Variants in TMPRSS3 observed in about 807,000 individuals in gnomAD.
The protein encoded by TMPRSS3 is transmembrane protease serine 3.
In TMPRSS3, 55 loss-of-function variants were observed where a neutral mutation model predicts 59.6. That is an observed-to-expected ratio of 0.92 (90% CI 0.74 to 1.16). The LOEUF (loss-of-function observed/expected upper bound fraction) is 1.16. Among genes scored for constraint, TMPRSS3 ranks in the 50% most tolerant of loss-of-function variants. TMPRSS3 has a pLI of 0.00. For missense variants in TMPRSS3, 596 were observed against 579.4 expected (o/e 1.03, Z -0.29); for synonymous variants, 257 against 237.7 (o/e 1.08, Z -0.75).
intron 2 of TMPRSS3, among the ~76,000 whole-genome samples, chr21:42,394,916 T>C (rs2146460654): frequency 6.6e-6 from 1 of 152,366 alleles, no homozygotes; most frequent in Non-Finnish European, 1.5e-5. Context: ...TGCTGGATTT[T>C]AATCTAGGCC....
rs1449705088 is a variant in TMPRSS3 at position 42,383,095 on chromosome 21, G to A, written c.720C>T (p.His240=). 1.2e-6 allele frequency: 2 copies of A among 1,614,190 alleles called. No individual in the cohort carries two copies. The highest frequency in any genetic ancestry group is 1.7e-6 in the Non-Finnish European group (2 of 1,180,054). ...WQASLQFQGY[H]LCGGSVITPL... ...GCGTGATGACAGAGCCCCCGCACAG[G>A]TGGTAGCCCTGGAACTGAAGGCTGG... is the stretch of plus-strand genomic sequence containing the variant. The change falls in exon 8 of 13, where the codon CAC becomes CAT. Residue 240 remains histidine (H), a synonymous_variant. Transcript: ENST00000644384.
chr21:42,387,234 C>T (rs185924163), intron 5 of TMPRSS3, among the ~76,000 whole-genome samples: 128 of 152,076 alleles, frequency 8.4e-4, no homozygotes, highest in African/African-American at 2.8e-3. Flanking sequence ...TCAGACAGAG[C>T]GGTGGTCCTC....
intron 10 of TMPRSS3, among the ~76,000 whole-genome samples, chr21:42,378,552 C>T (rs1484328096): frequency 6.6e-6 from 1 of 152,070 alleles, no homozygotes; most frequent in Non-Finnish European, 1.5e-5. Flanking sequence ...GGCAAAGCCA[C>T]GGGAGGAAGG....
chr21:42,391,380 T>A (rs536128494), intron 2 of TMPRSS3, among the ~76,000 whole-genome samples: 9 of 152,286 alleles, frequency 5.9e-5, no homozygotes, highest in South Asian at 2.1e-4. Context: ...TCTCCACAAT[T>A]GCTGTGCACA....
At chr21:42,395,644 A>G (rs532972033) in intron 1 of TMPRSS3, 176 bp from the exon 2 acceptor site, 5 of 512,832 alleles carry the variant, frequency 9.7e-6, no homozygotes, top group East Asian at 3.6e-5. Context: ...GCTACAGCAG[A>G]TAACAGAAAA....
rs2052353853 is a variant in TMPRSS3, at chr21:42,372,610, G to T, written c.*152C>A. 1 of 823,666 alleles carries T rather than the reference G, an allele frequency of 1.2e-6. No individual in the cohort carries two copies. The highest frequency in any genetic ancestry group is 2.4e-5 in the East Asian group (1 of 41,214). 51.0% of individuals were successfully genotyped at this position (823,666 alleles called of 1,614,324 possible). On this transcript the variant is annotated 3_prime_UTR_variant, in exon 13 of 13. Coordinates refer to ENST00000644384, the MANE Select transcript of TMPRSS3 (RefSeq NM_001256317.3). ...TTGAAGGTTGTGCTGGAATCAGATGGAAGGGTGCCTCTTTCGGGCCTGCTA... is the reference window on the plus strand; with the variant it reads ...TTGAAGGTTGTGCTGGAATCAGATGTAAGGGTGCCTCTTTCGGGCCTGCTA...
Position 42,383,111 on chromosome 21 carries a change from T to A in TMPRSS3, c.704A>T (p.Gln235Leu). The stretch of plus-strand genomic sequence containing the variant: ...CCCGCACAGGTGGTAGCCCTGGAAC[T>A]GAAGGCTGGCCTGCCAGGGCCACTG... ...LSQWPWQASL[Q>L]FQGYHLCGGS... is the part of the protein sequence containing the mutation. The change falls in exon 8 of 13, where the codon CAG becomes CTG. Residue 235 changes from glutamine (Q) to leucine (L), a missense_variant. Physicochemically the swap from Gln to Leu is moderately radical, Grantham distance 113. Transcript: ENST00000644384. 6 of 1,614,190 alleles carry A rather than the reference T, an allele frequency of 3.7e-6. No individual in the cohort carries two copies. Among genetic ancestry groups the A allele is most frequent in the Non-Finnish European group, 5.1e-6 (6 of 1,180,034 alleles).
chr21:42,395,418 G>C lies in TMPRSS3; in HGVS notation c.-1C>G, dbSNP rs1324277446. 3.1e-6 allele frequency: 5 copies of C among 1,613,836 alleles called. No homozygotes were observed. In the African/African-American group the frequency reaches 6.7e-5, roughly 22 times the overall value. ...CAGCAGGCGGATCATTTTCCCCCAT[G>C]GTGACTATTTCAGGACCTCTGACAT... On this transcript the variant is annotated 5_prime_UTR_variant, in exon 2 of 13. Transcript: ENST00000644384.
rs774662763 is a variant in TMPRSS3, at chr21:42,382,014, C to T, written c.952+51G>A. ...AATGCTTCAATGAGCAATTGCAAAT[C>T]CTCTTGAAACAAAGGAAGAGCTGCA... On this transcript the variant is annotated intron_variant, in intron 9 of 12. Coordinates refer to ENST00000644384, the MANE Select transcript of TMPRSS3 (RefSeq NM_001256317.3). 5.0e-6 allele frequency: 8 copies of T among 1,613,106 alleles called. No homozygotes were observed. The East Asian group carries it at 8.9e-5, about 18-fold the overall frequency.
chr21:42,387,000 A>G (rs921864690), intron 5 of TMPRSS3, among the ~76,000 whole-genome samples: 1 of 152,180 alleles, frequency 6.6e-6, no homozygotes, highest in Non-Finnish European at 1.5e-5. Context: ...GGGACATCGC[A>G]TTCCCTGGAT....
rs1440101025 is a variant in TMPRSS3, at chr21:42,395,472, A to G, written c.-51-4T>C. 2.1e-6 allele frequency: 3 copies of G among 1,434,294 alleles called. No individual in the cohort carries two copies. In the African/African-American group the frequency reaches 4.2e-5, roughly 20 times the overall value. The allele number at this position is 1,434,294 out of a possible 1,614,324, so 88.8% of individuals were successfully genotyped here. ...GCTCCGCCTCCACCTCTACCTCCTT[A>G]GCCGAGGAAGAACAGAAAGCATTTG... is the stretch of plus-strand genomic sequence containing the variant. On this transcript the variant is annotated splice_polypyrimidine_tract_variant and splice_region_variant and intron_variant, in intron 1 of 12. Coordinates refer to ENST00000644384, the MANE Select transcript of TMPRSS3 (RefSeq NM_001256317.3).
chr21:42,391,668 C>T (rs940982178), intron 2 of TMPRSS3, among the ~76,000 whole-genome samples: 2 of 152,208 alleles, frequency 1.3e-5, no homozygotes, highest in Non-Finnish European at 2.9e-5. Context: ...CTCTGTGGGA[C>T]TGAGAAGGCA....
intron 3 of TMPRSS3, 159 bp from the exon 4 acceptor site, chr21:42,389,204 T>C: frequency 6.7e-7 from 1 of 1,483,268 alleles, no homozygotes; most frequent in South Asian, 1.2e-5. Flanking sequence ...CAGCCCAGTT[T>C]CTGTTTTGAA....
intron 2 of TMPRSS3, chr21:42,390,342 T>C: frequency 2.6e-6 from 1 of 384,610 alleles, no homozygotes; most frequent in South Asian, 2.2e-5. Flanking sequence ...GCATCTTATT[T>C]GGAGATGGCC....
intron 2 of TMPRSS3, chr21:42,390,245 C>G: frequency 1.7e-6 from 1 of 586,456 alleles, no homozygotes; most frequent in South Asian, 1.9e-5. Flanking sequence ...CCCGGTTATT[C>G]CATGGGGGAT....
At chr21:42,378,984 A>G (rs559632715) in intron 10 of TMPRSS3, among the ~76,000 whole-genome samples, 120 of 152,276 alleles carry the variant, frequency 7.9e-4, no homozygotes, top group African/African-American at 2.5e-3. Context: ...TCCTAGGTTC[A>G]AGTGATTCTA....
intron 6 of TMPRSS3, among the ~76,000 whole-genome samples, chr21:42,384,837 T>C (rs913028988): frequency 1.9e-4 from 29 of 152,100 alleles, no homozygotes; most frequent in Admixed American, 1.9e-3. Flanking sequence ...CTACACACCG[T>C]CTAACCTGGG....
In TMPRSS3 at chr21:42,382,161, A is replaced by T. The variant is rs147189374; in HGVS notation, c.856T>A (p.Leu286Met). Residue 286 changes from leucine (L) to methionine (M), a missense_variant, in exon 9 of 13, where the codon TTG (leucine) becomes ATG (methionine). Physicochemically the swap from Leu to Met is conservative, Grantham distance 15. Transcript: ENST00000644384. ...SLLDNPAPSH[L>M]VEKIVYHSKY... Reference sequence around the variant, plus strand: ...CTGTGGTAGACAATCTTCTCCACCAAGTGGGATGGGGCTGGATTGTCCAAC... The same window carrying T: ...CTGTGGTAGACAATCTTCTCCACCATGTGGGATGGGGCTGGATTGTCCAAC... The T allele has an allele frequency of 1.2e-4, 197 of 1,614,068 alleles. No individual in the cohort carries two copies. The highest frequency in any genetic ancestry group is 1.6e-4 in the Non-Finnish European group (187 of 1,180,028).
At chr21:42,387,275 A>C (rs1242385632) in intron 5 of TMPRSS3, among the ~76,000 whole-genome samples, 1 of 152,162 alleles carries the variant, frequency 6.6e-6, no homozygotes, top group South Asian at 2.1e-4. Context: ...GAGAGAAGAG[A>C]AAAGGAGGCC....
Sources: gnomAD v4.1 joint callset for allele counts (sites outside exome capture counted in the v4.1 genomes callset) on GRCh38, gnomAD v4.1.1 for gene constraint, MANE v1.5 for transcripts, NCBI Gene and HGNC (gene_info 2026-07-23, HGNC 2026-07-21) for gene names.